Variants in AGAP1 observed in about 807,000 individuals in gnomAD.
AGAP1 encodes the protein ArfGAP with GTPase domain, ankyrin repeat and PH domain 1.
Under a neutral mutation model 105.3 loss-of-function variants are expected in AGAP1, and 29 were observed. The ratio of observed to expected loss-of-function variants is 0.28; its 90% CI spans 0.21 to 0.38. AGAP1 has a LOEUF of 0.38. Among genes scored for constraint, AGAP1 ranks in the 10% least tolerant of loss-of-function variants. AGAP1 has a pLI of 1.00. For synonymous variants in AGAP1, 509 were observed against 485.9 expected, an observed-to-expected ratio of 1.05 and a Z score of -0.63; for missense variants, 998 against 1,165.1, an observed-to-expected ratio of 0.86 and a Z score of 2.09.
intron 1 of AGAP1, among the ~76,000 whole-genome samples, chr2:235,657,262 A>C (rs1947803172): frequency 6.6e-6 from 1 of 152,202 alleles, no homozygotes. Flanking sequence ...TGTTCAATGC[A>C]TGACCTTGTT....
chr2:235,502,953 A>T (rs13429062), intron 1 of AGAP1, among the ~76,000 whole-genome samples: 1 of 101,768 alleles, frequency 9.8e-6, no homozygotes, highest in African/African-American at 3.1e-5. Context: ...CTTCAATTCA[A>T]TAAGTTTTAG....
chr2:235,898,061 T>C (rs1455962498), intron 10 of AGAP1, among the ~76,000 whole-genome samples: 1 of 152,238 alleles, frequency 6.6e-6, no homozygotes, highest in Non-Finnish European at 1.5e-5. Flanking sequence ...CATCGGCTAT[T>C]TGCCTGTTAC....
chr2:235,911,418 T>C (rs1383589982), intron 11 of AGAP1, among the ~76,000 whole-genome samples: 6 of 152,128 alleles, frequency 3.9e-5, no homozygotes, highest in African/African-American at 1.4e-4. Context: ...TGAGTTTGAA[T>C]AAAGGATAGG....
Position 236,000,851 on chromosome 2 carries a change from C to G in AGAP1, c.1645+32228C>G, listed in dbSNP as rs1576020409. Reference sequence around the variant, plus strand: ...TTCTGTAAGGAGGGTCTTCCAGGCACAGAGAGTGGCTGATGAGAAAGGGCC... The same window carrying G: ...TTCTGTAAGGAGGGTCTTCCAGGCAGAGAGAGTGGCTGATGAGAAAGGGCC... On this transcript the variant is annotated intron_variant, in intron 13 of 17. Transcript: ENST00000304032. This position sits in a 1 kb window ranked among gnomAD's most constrained non-coding sequence, Gnocchi z 4.3. Among the ~76,000 whole-genome samples the G allele has an allele frequency of 6.6e-6, 1 of 152,116 alleles. No homozygotes were observed. Among genetic ancestry groups the G allele is most frequent in the Non-Finnish European group, 1.5e-5 (1 of 68,028 alleles).
In AGAP1 at chr2:235,779,403, A is replaced by C. The variant is rs370789405; in HGVS notation, c.674-18356A>C. ...GTAATCTAAAAATAATTGGGGATGAATATTGGTTACATTTCATCCCGTAGG... is the reference window on the plus strand; with the variant it reads ...GTAATCTAAAAATAATTGGGGATGACTATTGGTTACATTTCATCCCGTAGG... On this transcript the variant is annotated intron_variant, in intron 6 of 17. Coordinates refer to ENST00000304032, the MANE Select transcript of AGAP1 (RefSeq NM_001037131.3). 2.6e-4 allele frequency among the ~76,000 whole-genome samples: 39 copies of C among 152,332 alleles called. 1 individual carries two copies. Among genetic ancestry groups the C allele is most frequent in the African/African-American group, 8.7e-4 (36 of 41,580 alleles).
Position 235,551,415 on chromosome 2 carries a change from C to G in AGAP1, c.163+56566C>G, listed in dbSNP as rs139760277. On this transcript the variant is annotated intron_variant, in intron 1 of 17. Transcript: ENST00000304032. This position sits in a 1 kb window ranked among gnomAD's most constrained non-coding sequence, Gnocchi z 4.8. ...AACCTCCCCAGGCTCAGGTCGTCCT[C>G]CCAGCTCAGCCTCCCAAGTAGCTGG... Among the ~76,000 whole-genome samples, 161 of 152,248 alleles carry G rather than the reference C, an allele frequency of 1.1e-3. 3 individuals carry two copies. In the East Asian group the frequency reaches 0.022, roughly 21 times the overall value.
At chr2:235,937,078 T>A (rs2053026443) in intron 12 of AGAP1, among the ~76,000 whole-genome samples, 2 of 152,212 alleles carry the variant, frequency 1.3e-5, no homozygotes, top group Admixed American at 1.3e-4. Context: ...ATGCTGAAGT[T>A]TCCTTTATCA....
intron 11 of AGAP1, among the ~76,000 whole-genome samples, chr2:235,912,579 C>T (rs1223846345): frequency 1.3e-5 from 2 of 152,156 alleles, no homozygotes; most frequent in East Asian, 1.9e-4. Flanking sequence ...AACTTGCATT[C>T]ACATAGACCT....
chr2:235,834,389 T>G (rs952211465), intron 9 of AGAP1, among the ~76,000 whole-genome samples: 5 of 152,102 alleles, frequency 3.3e-5, no homozygotes, highest in African/African-American at 1.2e-4. Flanking sequence ...TTTCAAAGGG[T>G]GTATCCTGGT....
At chr2:235,802,751 G>GTGATGGTTGTGGTTGTGA (rs1285322005) in intron 8 of AGAP1, among the ~76,000 whole-genome samples, 1 of 108,470 alleles carries the variant, frequency 9.2e-6, no homozygotes, top group Non-Finnish European at 2.0e-5. Flanking sequence ...GATGGTGGTG[G>GTGATGGTTGTGGTTGTGA]TGATGGTTGT....
At chr2:235,669,703 C>G (rs1156836329) in intron 1 of AGAP1, 1 of 148,300 alleles carries the variant, frequency 6.7e-6, no homozygotes, top group Non-Finnish European at 1.5e-5. Context: ...CAGGGAGTGG[C>G]GGAGGCTGCG....
chr2:235,613,680 C>T (rs917987064), intron 1 of AGAP1, among the ~76,000 whole-genome samples: 1 of 152,192 alleles, frequency 6.6e-6, no homozygotes, highest in Non-Finnish European at 1.5e-5. Context: ...TCACAGATAA[C>T]TAGAACCACT....
In AGAP1 at chr2:235,908,692, CTTT is replaced by C. The variant is rs8178997; in HGVS notation, c.1156-34_1156-32del. On this transcript the variant is annotated intron_variant, in intron 10 of 17. Transcript: ENST00000304032. This position sits in a 1 kb window ranked among gnomAD's most constrained non-coding sequence, Gnocchi z 4.4. ...CCTTTTGTTCTAGGTTGTAAAAGGT[CTTT>C]TTTTTTTTTTTATCTCTCTTGGATG... The C allele has an allele frequency of 9.6e-4, 1,301 of 1,359,906 alleles. No individual in the cohort carries two copies. Among genetic ancestry groups the C allele is most frequent in the South Asian group, 3.4e-3 (218 of 65,014 alleles). The allele number at this position is 1,359,906 out of a possible 1,614,324, so 84.2% of individuals were successfully genotyped here.
chr2:235,603,845 C>T (rs192567203), intron 1 of AGAP1, among the ~76,000 whole-genome samples: 24 of 152,182 alleles, frequency 1.6e-4, no homozygotes, highest in Admixed American at 1.3e-3. Context: ...AATTCTTGGT[C>T]GCTAGTTAGG....
Position 236,055,290 on chromosome 2 carries a change from A to AC in AGAP1, c.2114+6015dup, listed in dbSNP as rs1052508722. On this transcript the variant is annotated intron_variant, in intron 16 of 17. Transcript: ENST00000304032. The surrounding 1 kb of genome is among the most constrained non-coding windows in gnomAD (Gnocchi z 6.2). ...TTTAACTTTCTTCTTCGCCGTGCAG[A>AC]CCCCCCTACATGTACACACATGCAC... Among the ~76,000 whole-genome samples the AC allele has an allele frequency of 6.6e-6, 1 of 151,764 alleles. No homozygotes were observed.
chr2:235,826,377 T>C (rs1959063144), intron 9 of AGAP1, among the ~76,000 whole-genome samples: 1 of 152,186 alleles, frequency 6.6e-6, no homozygotes, highest in Non-Finnish European at 1.5e-5. Context: ...TAACCATGCA[T>C]TTGCAGGTTC....
intron 16 of AGAP1, among the ~76,000 whole-genome samples, chr2:236,081,927 A>T (rs1364503833): frequency 3.9e-5 from 6 of 152,166 alleles, no homozygotes; most frequent in African/African-American, 1.4e-4. Context: ...CCCTGGAACG[A>T]GAAAGGGGGA....
intron 6 of AGAP1, among the ~76,000 whole-genome samples, chr2:235,759,164 CTTTTT>C (rs560528348): frequency 8.6e-5 from 9 of 104,106 alleles, no homozygotes; most frequent in African/African-American, 2.4e-4. Context: ...TGATGTCATT[CTTTTT>C]TTTTTTTTTT....
intron 1 of AGAP1, among the ~76,000 whole-genome samples, chr2:235,686,640 TATATAGATATATATATATA>T (rs1949435867): frequency 2.1e-5 from 1 of 48,652 alleles, no homozygotes; most frequent in African/African-American, 1.0e-4. Context: ...TATATATATA[TATATAGATATATATATATA>T]TATATATTTT....
Sources: allele counts gnomAD v4.1 joint callset (sites outside exome capture counted in the v4.1 genomes callset), GRCh38; gene constraint gnomAD v4.1.1; non-coding constraint Gnocchi (gnomAD v3.1); transcripts MANE v1.5; gene names NCBI Gene and HGNC (gene_info 2026-07-23, HGNC 2026-07-21).